NUDT4: variants seen among roughly 807,000 people sequenced by gnomAD.
NUDT4 encodes the protein diphosphoinositol polyphosphate phosphohydrolase 2.
In NUDT4, 5 loss-of-function variants were observed where a neutral mutation model predicts 23.1. The observed-to-expected ratio is 0.22, with a 90% CI of 0.11 to 0.46. The LOEUF (loss-of-function observed/expected upper bound fraction) is 0.46, where lower values mean the gene tolerates loss of function less well. Among genes scored for constraint, NUDT4 ranks in the 20% least tolerant of loss-of-function variants. The pLI is 0.99. For synonymous variants in NUDT4, 50 were observed against 79.0 expected, an observed-to-expected ratio of 0.63 and a Z score of 1.95; for missense variants, 96 against 211.6, an observed-to-expected ratio of 0.45 and a Z score of 3.39.
rs1432810922 is a variant in NUDT4, at chr12:93,378,095, C to T, written c.-228C>T. ...AACTGGGCAGAGGCGGAGCTTTCAT[C>T]TCGGCACCCTGGTTCCAGTGACCCG... is the stretch of plus-strand genomic sequence containing the variant. On this transcript the variant is annotated 5_prime_UTR_variant, in exon 1 of 5. Transcript: ENST00000415493. The T allele has an allele frequency of 8.0e-6, 2 of 250,490 alleles. No individual in the cohort carries two copies. The allele number at this position is 250,490 out of a possible 1,614,324, so 15.5% of individuals were successfully genotyped here. A position where few individuals can be genotyped will look rare whatever the true frequency, so the allele number is the denominator to read the frequency against.
At chr12:93,392,702 T>A (rs1344060640) in intron 1 of NUDT4, among the ~76,000 whole-genome samples, 1 of 107,842 alleles carries the variant, frequency 9.3e-6, no homozygotes, top group East Asian at 4.4e-4. Context: ...GATGGAGTCT[T>A]GCTCTGTTGC....
rs964830671 is a variant in NUDT4, at chr12:93,407,713, T to C, written c.*8334T>C. On this transcript the variant is annotated 3_prime_UTR_variant, in exon 5 of 5. Transcript: ENST00000415493. ...AAAAATGTTGGCATCAAATTCAGAA[T>C]GTTTTAACCAGCCACACTGTGTGGG... The C allele has an allele frequency of 2.0e-5, 3 of 152,270 alleles. No homozygotes were observed. Among genetic ancestry groups the C allele is most frequent in the African/African-American group, 7.2e-5 (3 of 41,472 alleles). 9.4% of individuals were successfully genotyped at this position (152,270 alleles called of 1,614,324 possible).
chr12:93,404,241 CAT>C lies in NUDT4; in HGVS notation c.*4866_*4867del, dbSNP rs1288311944. ...GTATCTACGGGAATGTGGACAAAGACATATACCAAGACAAGGCACTAGAGTGA... is the reference window on the plus strand; with the variant it reads ...GTATCTACGGGAATGTGGACAAAGACATACCAAGACAAGGCACTAGAGTGA... On this transcript the variant is annotated 3_prime_UTR_variant, in exon 5 of 5. Coordinates refer to ENST00000415493, the MANE Select transcript of NUDT4 (RefSeq NM_019094.6). The C allele has an allele frequency of 6.6e-6, 1 of 152,128 alleles. No individual in the cohort carries two copies. Among genetic ancestry groups the C allele is most frequent in the African/African-American group, 2.4e-5 (1 of 41,424 alleles). The allele number at this position is 152,128 out of a possible 1,614,324, so 9.4% of individuals were successfully genotyped here.
intron 1 of NUDT4, chr12:93,378,698 G>A: frequency 8.8e-7 from 1 of 1,137,478 alleles, no homozygotes; most frequent in Non-Finnish European, 1.1e-6. Context: ...GGCCGCGTAA[G>A]TCTCGCCTAG....
In NUDT4 at chr12:93,399,265, A is replaced by G. The variant is rs113765961; in HGVS notation, c.429A>G (p.Leu143=). ...KPVHAEYLEK[L]KLGCSPANGN... is the part of the protein sequence containing the mutation. ...TACATGCAGAGTATCTGGAAAAGCT[A>G]AAGCTGGGTTGTTCCCCAGCCAATG... The change falls in exon 5 of 5, where the codon CTA becomes CTG. Residue 143 remains leucine, a synonymous_variant. Transcript: ENST00000415493. 1,789 of 1,368,068 alleles carry G rather than the reference A, an allele frequency of 1.3e-3. 5 individuals carry two copies. The highest frequency in any genetic ancestry group is 9.7e-3 in the African/African-American group (671 of 69,342). 84.7% of individuals were successfully genotyped at this position (1,368,068 alleles called of 1,614,324 possible).
chr12:93,393,091 T>C (rs1218926890), intron 1 of NUDT4, among the ~76,000 whole-genome samples: 2 of 110,320 alleles, frequency 1.8e-5, no homozygotes, highest in South Asian at 2.7e-4. Flanking sequence ...GATTTCAGTC[T>C]TTTTTTTTTT....
At chr12:93,380,300 C>G (rs1875565049) in intron 1 of NUDT4, among the ~76,000 whole-genome samples, 2 of 152,118 alleles carry the variant, frequency 1.3e-5, no homozygotes, top group Admixed American at 6.6e-5. Flanking sequence ...ATGATGATCT[C>G]TATTGTGCTT....
rs934027603 is a variant in NUDT4 at position 93,405,493 on chromosome 12, C to G, written c.*6114C>G. 5 of 152,128 alleles carry G rather than the reference C, an allele frequency of 3.3e-5. No individual in the cohort carries two copies. Among genetic ancestry groups the G allele is most frequent in the African/African-American group, 1.2e-4 (5 of 41,418 alleles). The allele number at this position is 152,128 out of a possible 1,614,324, so 9.4% of individuals were successfully genotyped here. ...GTGACAAGATGAAACTGGGAGAGGGCCGGGGAGACCCGAACTCTTAATATT... is the reference window on the plus strand; with the variant it reads ...GTGACAAGATGAAACTGGGAGAGGGGCGGGGAGACCCGAACTCTTAATATT... On this transcript the variant is annotated 3_prime_UTR_variant, in exon 5 of 5. Transcript: ENST00000415493.
chr12:93,398,208 C>T (rs1183718470), intron 3 of NUDT4, among the ~76,000 whole-genome samples: 4 of 151,656 alleles, frequency 2.6e-5, no homozygotes, highest in East Asian at 1.9e-4. Flanking sequence ...GGCGTGGTGG[C>T]GTGCACCTGT....
At chr12:93,384,687 CA>C (rs1397427996) in intron 1 of NUDT4, among the ~76,000 whole-genome samples, 1 of 152,154 alleles carries the variant, frequency 6.6e-6, no homozygotes, top group Non-Finnish European at 1.5e-5. Context: ...AGCAGGCTTG[CA>C]ATAGATCATT....
rs201964461 is a variant in NUDT4, at chr12:93,399,316, G to T, written c.480G>T (p.Pro160=). ...ANGNSTVPSL[P]DNNALFVTAA... ...GAAATTCTACAGTCCCTTCCCTTCCGGATAATAATGCCTTGTTTGTAACCG... is the reference window on the plus strand; with the variant it reads ...GAAATTCTACAGTCCCTTCCCTTCCTGATAATAATGCCTTGTTTGTAACCG... The change falls in exon 5 of 5, where the codon CCG becomes CCT. Residue 160 remains proline, a synonymous_variant. Transcript: ENST00000415493. 3 of 1,024,190 alleles carry T rather than the reference G, an allele frequency of 2.9e-6. No homozygotes were observed. The highest frequency in any genetic ancestry group is 1.3e-5 in the South Asian group (1 of 77,356). 63.4% of individuals were successfully genotyped at this position (1,024,190 alleles called of 1,614,324 possible). A position where few individuals can be genotyped will look rare whatever the true frequency, so the allele number is the denominator to read the frequency against.
intron 1 of NUDT4, among the ~76,000 whole-genome samples, chr12:93,381,784 A>G (rs1166884431): frequency 6.6e-6 from 1 of 152,228 alleles, no homozygotes; most frequent in Non-Finnish European, 1.5e-5. Flanking sequence ...CGCAAGAACA[A>G]AGTTTTGTTT....
At chr12:93,381,859 C>A (rs1277306457) in intron 1 of NUDT4, among the ~76,000 whole-genome samples, 1 of 152,206 alleles carries the variant, frequency 6.6e-6, no homozygotes, top group Non-Finnish European at 1.5e-5. Context: ...AGTGATCTGG[C>A]AGCAAAATAG....
intron 1 of NUDT4, among the ~76,000 whole-genome samples, chr12:93,390,155 C>CTT (rs1876387252): frequency 6.6e-6 from 1 of 152,178 alleles, no homozygotes; most frequent in Non-Finnish European, 1.5e-5. Flanking sequence ...CGGCTAGCCA[C>CTT]CTGCGTTATG....
intron 1 of NUDT4, among the ~76,000 whole-genome samples, chr12:93,389,169 C>CT (rs997433092): frequency 4.6e-5 from 7 of 152,024 alleles, no homozygotes; most frequent in African/African-American, 1.7e-4. Flanking sequence ...ATTTATCGGC[C>CT]TTTTTTTTGA....
chr12:93,385,847 A>G (rs1876018599), intron 1 of NUDT4, among the ~76,000 whole-genome samples: 1 of 150,334 alleles, frequency 6.7e-6, no homozygotes. Context: ...CCCCCAAAAC[A>G]AGCCAAAAAA....
chr12:93,395,980 A>G (rs1876906801), intron 3 of NUDT4, among the ~76,000 whole-genome samples: 1 of 152,136 alleles, frequency 6.6e-6, no homozygotes, highest in Non-Finnish European at 1.5e-5. Flanking sequence ...CGGCCTCCCA[A>G]AGTGCTGGGA....
chr12:93,396,583 T>C (rs1316754088), intron 3 of NUDT4, among the ~76,000 whole-genome samples: 1 of 152,144 alleles, frequency 6.6e-6, no homozygotes, highest in African/African-American at 2.4e-5. Context: ...TAGCACTTGG[T>C]AGAATTGATG....
At chr12:93,384,270 C>T (rs925283213) in intron 1 of NUDT4, among the ~76,000 whole-genome samples, 1 of 151,962 alleles carries the variant, frequency 6.6e-6, no homozygotes, top group African/African-American at 2.4e-5. Flanking sequence ...TGGATTCAAG[C>T]GATTCTCCTG....
Sources: allele counts gnomAD v4.1 joint callset (sites outside exome capture counted in the v4.1 genomes callset), GRCh38; gene constraint gnomAD v4.1.1; transcripts MANE v1.5; gene names NCBI Gene and HGNC (gene_info 2026-07-23, HGNC 2026-07-21).